SGCG: variants seen among roughly 807,000 people sequenced by gnomAD.
SGCG encodes the protein gamma-sarcoglycan.
Under a neutral mutation model 29.3 loss-of-function variants are expected in SGCG, and 26 were observed. The ratio of observed to expected loss-of-function variants is 0.89; its 90% CI spans 0.65 to 1.23. SGCG has a LOEUF of 1.23. Ranked by LOEUF, SGCG falls within the 50% of genes most tolerant of loss-of-function variation. The probability of loss-of-function intolerance (pLI) is 0.00; values close to 1 mark genes in which losing one functional copy is unlikely to be tolerated. For missense variants in SGCG, 353 were observed against 356.0 expected (o/e 0.99, Z 0.07); for synonymous variants, 145 against 129.7 (o/e 1.12, Z -0.80).
chr13:23,224,926 CA>C (rs1878840074), intron 2 of SGCG, among the ~76,000 whole-genome samples: 1 of 152,006 alleles, frequency 6.6e-6, no homozygotes, highest in Non-Finnish European at 1.5e-5. Flanking sequence ...AACGTGCAGT[CA>C]AGGTTCTGAA....
At chr13:23,240,960 T>C (rs2137553391) in intron 3 of SGCG, among the ~76,000 whole-genome samples, 1 of 151,936 alleles carries the variant, frequency 6.6e-6, no homozygotes, top group East Asian at 1.9e-4. Flanking sequence ...GAGACCATCC[T>C]AACACGGTGA....
Position 23,299,433 on chromosome 13 carries a change from TATATATATA to T in SGCG, c.578+3947_578+3955del, listed in dbSNP as rs1882043902. ...ATATATATATATATATATATATATATATATATATATATATATATATATATTTTTTTTTTT... is the reference window on the plus strand; with the variant it reads ...ATATATATATATATATATATATATATTATATATATATATATTTTTTTTTTT... On this transcript the variant is annotated intron_variant, in intron 6 of 7. Transcript: ENST00000218867. Among the ~76,000 whole-genome samples the T allele has an allele frequency of 1.7e-3, 53 of 30,764 alleles. 3 individuals carry two copies. Among genetic ancestry groups the T allele is most frequent in the African/African-American group, 3.6e-3 (34 of 9,536 alleles). 20.2% of individuals were successfully genotyped at this position (30,764 alleles called of 152,430 possible).
intron 1 of SGCG, among the ~76,000 whole-genome samples, chr13:23,194,592 T>C (rs7331469): frequency 0.46 from 69,862 of 152,004 alleles, 16,223 homozygotes; most frequent in Admixed American, 0.51. Context: ...TAACTTCTGA[T>C]AGCAGAGGCC....
chr13:23,315,276 G>A (rs1280736658), intron 6 of SGCG, among the ~76,000 whole-genome samples: 3 of 152,182 alleles, frequency 2.0e-5, no homozygotes, highest in South Asian at 2.1e-4. Flanking sequence ...ACTGCCTATC[G>A]TAAACTGGGT....
chr13:23,203,674 C>T (rs758507411), intron 1 of SGCG, 21 bp from the exon 2 acceptor site: 7 of 1,592,836 alleles, frequency 4.4e-6, no homozygotes, highest in East Asian at 4.5e-5. Context: ...TCTCTCCTCT[C>T]GTGAACACAC....
chr13:23,208,139 T>G (rs1011887773), intron 2 of SGCG, among the ~76,000 whole-genome samples: 6 of 152,136 alleles, frequency 3.9e-5, no homozygotes, highest in African/African-American at 9.7e-5. Context: ...GTTTTGAACT[T>G]GTAACAACTA....
chr13:23,161,674 G>A, the SGCG span, among the ~76,000 whole-genome samples: 1 of 152,242 alleles, frequency 6.6e-6, no homozygotes, highest in African/African-American at 2.4e-5. Context: ...AACAGGTTCA[G>A]TGTCTCTGGT....
At chr13:23,181,685 C>T (rs893082466) in intron 1 of SGCG, among the ~76,000 whole-genome samples, 8 of 152,050 alleles carry the variant, frequency 5.3e-5, no homozygotes, top group Non-Finnish European at 8.8e-5. Flanking sequence ...AAAAAATAAA[C>T]ATAAGTGGGG....
the SGCG span, among the ~76,000 whole-genome samples, chr13:23,168,784 A>T: frequency 6.6e-6 from 1 of 152,196 alleles, no homozygotes. Context: ...ATAAGGCATG[A>T]TTGATAGGCA....
the SGCG span, chr13:23,169,694 TG>T: frequency 7.4e-6 from 1 of 134,752 alleles, no homozygotes; most frequent in Middle Eastern, 3.8e-3. Context: ...TCTCTCTCTC[TG>T]TCTCTCATAC....
chr13:23,299,741 C>T (rs9550952), intron 6 of SGCG, among the ~76,000 whole-genome samples: 84,022 of 151,558 alleles, frequency 0.55, 24,288 homozygotes, highest in East Asian at 0.84. Flanking sequence ...CGTTAGCCAC[C>T]GTGCCCGGCC....
At chr13:23,237,351 T>C (rs1879351147) in intron 3 of SGCG, among the ~76,000 whole-genome samples, 1 of 152,194 alleles carries the variant, frequency 6.6e-6, no homozygotes, top group Non-Finnish European at 1.5e-5. Context: ...TAATAAAGCC[T>C]TACTTGAAAT....
At chr13:23,221,684 A>G (rs1303118173) in intron 2 of SGCG, among the ~76,000 whole-genome samples, 3 of 151,792 alleles carry the variant, frequency 2.0e-5, no homozygotes, top group African/African-American at 7.2e-5. Context: ...CTTTGTAGGG[A>G]TCCTATGAGG....
upstream of SGCG, among the ~76,000 whole-genome samples, chr13:23,176,625 C>T (rs1359905794): frequency 1.3e-5 from 2 of 151,730 alleles, no homozygotes; most frequent in Admixed American, 1.3e-4. Context: ...TATGTGTGTC[C>T]TTATAGGTGC....
At chr13:23,168,592 C>T in the SGCG span, among the ~76,000 whole-genome samples, 2 of 152,190 alleles carry the variant, frequency 1.3e-5, no homozygotes, top group Non-Finnish European at 2.9e-5. Context: ...TAATTAATTG[C>T]ATCACTGTAA....
intron 4 of SGCG, among the ~76,000 whole-genome samples, chr13:23,271,951 T>C (rs1435474515): frequency 6.6e-6 from 1 of 152,224 alleles, no homozygotes; most frequent in African/African-American, 2.4e-5. Context: ...TCCACTATTA[T>C]TTATTTTAAC....
intron 2 of SGCG, among the ~76,000 whole-genome samples, chr13:23,227,142 T>G (rs1319582066): frequency 6.6e-6 from 1 of 152,132 alleles, no homozygotes; most frequent in Non-Finnish European, 1.5e-5. Context: ...GAGGAGAGCT[T>G]AGGTAATGCA....
chr13:23,299,286 C>T (rs1882026332), intron 6 of SGCG, among the ~76,000 whole-genome samples: 1 of 122,782 alleles, frequency 8.1e-6, no homozygotes, highest in African/African-American at 2.9e-5. Context: ...ATATGATGGT[C>T]ATATCTTCTT....
the SGCG span, among the ~76,000 whole-genome samples, chr13:23,174,773 A>G: frequency 6.6e-6 from 1 of 152,240 alleles, no homozygotes; most frequent in South Asian, 2.1e-4. Context: ...GTATTTGTCT[A>G]TGAAAGGAAA....
Sources: allele counts gnomAD v4.1 joint callset (sites outside exome capture counted in the v4.1 genomes callset), GRCh38; gene constraint gnomAD v4.1.1; transcripts MANE v1.5; gene names NCBI Gene and HGNC (gene_info 2026-07-23, HGNC 2026-07-21).